The following YLPM1 variants were observed in gnomAD, a reference collection of about 807,000 sequenced individuals.
YLPM1 encodes the protein YLP motif-containing protein 1.
YLPM1 carries 99 observed loss-of-function variants against 230.0 expected under a neutral mutation model. The observed-to-expected ratio is 0.43, with a 90% CI of 0.37 to 0.51. The LOEUF (loss-of-function observed/expected upper bound fraction) is 0.51. Among genes scored for constraint, YLPM1 ranks in the 20% least tolerant of loss-of-function variants. The probability of loss-of-function intolerance (pLI) is 0.00; values close to 1 mark genes in which losing one functional copy is unlikely to be tolerated. For missense variants in YLPM1, 2,592 were observed against 2,707.7 expected (o/e 0.96, Z 0.95); for synonymous variants, 984 against 942.5 (o/e 1.04, Z -0.81).
intron 4 of YLPM1, among the ~76,000 whole-genome samples, chr14:74,786,063 A>C (rs1048600343): frequency 6.6e-6 from 1 of 152,140 alleles, no homozygotes; most frequent in African/African-American, 2.4e-5. Flanking sequence ...AATTTTCACA[A>C]AATAAAGACA....
At chr14:74,807,827 C>G (rs2091394226) in intron 6 of YLPM1, among the ~76,000 whole-genome samples, 1 of 152,224 alleles carries the variant, frequency 6.6e-6, no homozygotes, top group Non-Finnish European at 1.5e-5. Context: ...TAGGATTTCT[C>G]TCACTGAAAA....
chr14:74,835,175 C>A, intron 19 of YLPM1, 90 bp from the exon 20 acceptor site: 2 of 1,465,776 alleles, frequency 1.4e-6, no homozygotes, highest in South Asian at 2.8e-5. Context: ...TCAAATGAGT[C>A]ATTCTACCCC....
At position 74,778,600 on chromosome 14, in the gene YLPM1, C is replaced by G. The variant is rs1311272575; in HGVS notation, c.1027C>G (p.Pro343Ala). 1 of 1,599,710 alleles carries G rather than the reference C, an allele frequency of 6.3e-7. No individual in the cohort carries two copies. The highest frequency in any genetic ancestry group is 1.7e-5 in the Admixed American group (1 of 58,318). Residue 343 changes from proline (P) to alanine (A), a missense_variant, in exon 2 of 21, where the codon CCA becomes GCA. Pro to Ala is a conservative substitution (Grantham distance 27). Around this residue, in one of 4 missense-constraint regions of YLPM1, gnomAD observed 1,862 missense variants for 1,819.8 expected, o/e 1.02. Transcript: ENST00000325680. Reference sequence around the variant, plus strand: ...TACAGTACCTGCCACCAGTCAAGTTCCAGAATCTCCTTCTTCTGAGGAGCC... The same window carrying G: ...TACAGTACCTGCCACCAGTCAAGTTGCAGAATCTCCTTCTTCTGAGGAGCC... ...EVTVPATSQV[P>A]ESPSSEEPPL...
chr14:74,764,890 C>T lies in YLPM1; in HGVS notation c.873+528C>T, dbSNP rs535634313. On this transcript the variant is annotated intron_variant, in intron 1 of 20. Coordinates refer to ENST00000325680, the MANE Select transcript of YLPM1 (RefSeq NM_019589.3). ...AAAAAGGATGGAAATCTTGTCTTAC[C>T]AGGAGCATCCTAATTATGCTTATAG... is the stretch of plus-strand genomic sequence containing the variant. Among the ~76,000 whole-genome samples, 17 of 152,194 alleles carry T rather than the reference C, an allele frequency of 1.1e-4. No individual in the cohort carries two copies. The South Asian group carries it at 3.3e-3, about 30-fold the overall frequency.
At chr14:74,801,658 G>A (rs1343876948) in intron 5 of YLPM1, among the ~76,000 whole-genome samples, 2 of 152,168 alleles carry the variant, frequency 1.3e-5, no homozygotes, top group South Asian at 2.1e-4. Flanking sequence ...GTATAACTCT[G>A]TAGAGTACGG....
chr14:74,827,852 A>G (rs1302337312), intron 18 of YLPM1: 7 of 985,284 alleles, frequency 7.1e-6, no homozygotes, highest in Non-Finnish European at 8.4e-6. Context: ...CATGTATAAT[A>G]CGGCCCGTCA....
chr14:74,815,099 A>G (rs1187669161), intron 11 of YLPM1, among the ~76,000 whole-genome samples: 2 of 152,146 alleles, frequency 1.3e-5, no homozygotes, highest in African/African-American at 4.8e-5. Flanking sequence ...GCAGAGTCTC[A>G]CTATTGCCCA....
chr14:74,764,430 T>G, intron 1 of YLPM1, 68 bp downstream of exon 1: 1 of 1,472,198 alleles, frequency 6.8e-7, no homozygotes, highest in Non-Finnish European at 9.0e-7. Context: ...CCTCAGGGCT[T>G]TAACCAGTGG....
Position 74,778,445 on chromosome 14 carries a change from A to G in YLPM1, c.874-2A>G. On this transcript the variant is annotated splice_acceptor_variant, in intron 1 of 20. Transcript: ENST00000325680. LOFTEE classifies it high-confidence loss of function. ...AATTCTCAAAAATTGTTTCTGTTGT[A>G]GGAACAGCAGCAGTATTGGTATCGA... 6.3e-7 allele frequency: 1 copy of G among 1,592,342 alleles called. No homozygotes were observed. The highest frequency in any genetic ancestry group is 8.6e-7 in the Non-Finnish European group (1 of 1,169,296).
chr14:74,763,519 G>A lies in YLPM1; in HGVS notation c.30G>A (p.Gly10=). The part of the protein sequence containing the change: MYPNWGRYG[G]SSHYPPPPVP... ...ACCCGAATTGGGGCCGGTATGGCGG[G>A]AGCAGCCACTATCCGCCGCCACCGG... Residue 10 remains glycine, a synonymous_variant, in exon 1 of 21, where the codon GGG becomes GGA. Transcript: ENST00000325680. 2 of 1,504,052 alleles carry A rather than the reference G, an allele frequency of 1.3e-6. No individual in the cohort carries two copies. The highest frequency in any genetic ancestry group is 2.0e-5 in the Admixed American group (1 of 48,862). The allele number at this position is 1,504,052 out of a possible 1,614,324, so 93.2% of individuals were successfully genotyped here. A position where few individuals can be genotyped will look rare whatever the true frequency, so the allele number is the denominator to read the frequency against.
intron 5 of YLPM1, among the ~76,000 whole-genome samples, chr14:74,801,864 AC>A (rs1416947617): frequency 6.6e-6 from 1 of 151,960 alleles, no homozygotes; most frequent in Non-Finnish European, 1.5e-5. Flanking sequence ...CATTTTGAAA[AC>A]CTTTTTAGGC....
At chr14:74,832,285 T>C (rs1293486287) in intron 19 of YLPM1, among the ~76,000 whole-genome samples, 1 of 152,228 alleles carries the variant, frequency 6.6e-6, no homozygotes, top group African/African-American at 2.4e-5. Context: ...TAATCATTTA[T>C]TCATTCCATA....
chr14:74,812,348 C>T (rs2091441707), intron 10 of YLPM1, among the ~76,000 whole-genome samples: 1 of 152,172 alleles, frequency 6.6e-6, no homozygotes, highest in Admixed American at 6.5e-5. Flanking sequence ...TATTATTCTT[C>T]CATGTCCTGT....
chr14:74,833,841 A>C (rs993497917), intron 19 of YLPM1, among the ~76,000 whole-genome samples: 2 of 152,178 alleles, frequency 1.3e-5, no homozygotes, highest in Non-Finnish European at 2.9e-5. Context: ...ACATTAGAGC[A>C]ATAATGCATT....
intron 19 of YLPM1, among the ~76,000 whole-genome samples, chr14:74,832,470 T>G (rs1452469892): frequency 6.7e-6 from 1 of 148,218 alleles, no homozygotes; most frequent in Non-Finnish European, 1.5e-5. Context: ...TTGTTTTTTG[T>G]TTTTTTGTTT....
intron 9 of YLPM1, among the ~76,000 whole-genome samples, chr14:74,811,292 G>A (rs2091431935): frequency 2.0e-5 from 3 of 151,958 alleles, no homozygotes; most frequent in African/African-American, 7.2e-5. Flanking sequence ...GACCAGCCTG[G>A]CCAACATGGC....
At chr14:74,778,726 C>A in intron 2 of YLPM1, 43 bp downstream of exon 2, 1 of 1,487,096 alleles carries the variant, frequency 6.7e-7, no homozygotes, top group South Asian at 1.3e-5. Context: ...AATTATTTAG[C>A]TTTTTTCTGA....
intron 4 of YLPM1, among the ~76,000 whole-genome samples, chr14:74,785,226 T>G (rs2091135747): frequency 6.6e-6 from 1 of 152,206 alleles, no homozygotes; most frequent in Non-Finnish European, 1.5e-5. Context: ...TCTAGTTAGG[T>G]TTGCACCATC....
At chr14:74,775,731 A>G (rs1453430116) in intron 1 of YLPM1, among the ~76,000 whole-genome samples, 1 of 152,250 alleles carries the variant, frequency 6.6e-6, no homozygotes, top group African/African-American at 2.4e-5. Context: ...TGGGAAAATT[A>G]TATAACAACA....
Sources: allele counts gnomAD v4.1 joint callset (sites outside exome capture counted in the v4.1 genomes callset), GRCh38; gene constraint gnomAD v4.1.1; regional missense constraint gnomAD v4.1.1; transcripts MANE v1.5; gene names NCBI Gene and HGNC (gene_info 2026-07-23, HGNC 2026-07-21).